ACSL6: variants seen among roughly 807,000 people sequenced by gnomAD.
ACSL6 encodes the protein long-chain-fatty-acid--CoA ligase 6.
In ACSL6, 47 loss-of-function variants were observed where a neutral mutation model predicts 98.2. The ratio of observed to expected loss-of-function variants is 0.48; its 90% CI spans 0.38 to 0.61. The LOEUF (loss-of-function observed/expected upper bound fraction) is 0.61, where lower values mean the gene tolerates loss of function less well. Among genes scored for constraint, ACSL6 ranks in the 20% least tolerant of loss-of-function variants. The probability of loss-of-function intolerance (pLI) is 0.00; values close to 1 mark genes in which losing one functional copy is unlikely to be tolerated. For missense variants in ACSL6, 761 were observed against 913.4 expected (o/e 0.83, Z 2.15); for synonymous variants, 362 against 336.9 (o/e 1.07, Z -0.82).
At chr5:131,986,370 T>C (rs543692836) in intron 8 of ACSL6, among the ~76,000 whole-genome samples, 32 of 152,304 alleles carry the variant, frequency 2.1e-4, no homozygotes, top group African/African-American at 7.2e-4. Context: ...CTGCCCTCAC[T>C]GTGGCTCAAC....
chr5:131,952,239 C>T lies in ACSL6; in HGVS notation c.*1995G>A. On this transcript the variant is annotated 3_prime_UTR_variant, in exon 21 of 21. Coordinates refer to ENST00000651883, the MANE Select transcript of ACSL6 (RefSeq NM_001009185.3). ...TTTATTCAGAAACGCCTTTAAAAATCAGTGTGTATAGAACTAGCTCATTTC... is the reference window on the plus strand; with the variant it reads ...TTTATTCAGAAACGCCTTTAAAAATTAGTGTGTATAGAACTAGCTCATTTC... 1 of 193,546 alleles carries T rather than the reference C, an allele frequency of 5.2e-6. No individual in the cohort carries two copies. Among genetic ancestry groups the T allele is most frequent in the Non-Finnish European group, 1.1e-5 (1 of 92,754 alleles). The allele number at this position is 193,546 out of a possible 1,614,324, so 12.0% of individuals were successfully genotyped here.
In ACSL6 at chr5:131,970,161, A is replaced by C. The variant is rs1033689178; in HGVS notation, c.1474T>G (p.Cys492Gly). ...CAGTCGCCAGGAGTGGTGAAGGTACATCCAGCTGTGCACTCAGTTTGGCCA... is the reference window on the plus strand; with the variant it reads ...CAGTCGCCAGGAGTGGTGAAGGTACCTCCAGCTGTGCACTCAGTTTGGCCA... ...GYGQTECTAG[C>G]TFTTPGDWTS... Residue 492 changes from cysteine to glycine, a missense_variant, in exon 15 of 21, where the codon TGT (cysteine) becomes GGT (glycine). Transcript: ENST00000651883. The C allele has an allele frequency of 6.2e-7, 1 of 1,614,140 alleles. No individual in the cohort carries two copies. Among genetic ancestry groups the C allele is most frequent in the Non-Finnish European group, 8.5e-7 (1 of 1,180,018 alleles).
At chr5:132,007,099 A>C (rs1343842557) in intron 1 of ACSL6, 1 of 152,222 alleles carries the variant, frequency 6.6e-6, no homozygotes, top group Non-Finnish European at 1.5e-5. Context: ...TTGGGGACAT[A>C]GACATGAGAC....
intron 10 of ACSL6, chr5:131,975,835 C>T: frequency 1.0e-6 from 1 of 985,484 alleles, no homozygotes; most frequent in Non-Finnish European, 1.2e-6. Flanking sequence ...CCTTCACTCT[C>T]CTGTGCTGGC....
Position 131,951,391 on chromosome 5 carries a change from A to C in ACSL6, c.*2843T>G, listed in dbSNP as rs1046229941. On this transcript the variant is annotated 3_prime_UTR_variant, in exon 21 of 21. Transcript: ENST00000651883. ...CATAGGGTTTCATTTCTCATTTCTT[A>C]CAAAATTAAGTGGCATTAAACAGAG... The C allele has an allele frequency of 1.5e-5, 3 of 201,234 alleles. No homozygotes were observed. The highest frequency in any genetic ancestry group is 6.9e-5 in the African/African-American group (3 of 43,534). The allele number at this position is 201,234 out of a possible 1,614,324, so 12.5% of individuals were successfully genotyped here. A position where few individuals can be genotyped will look rare whatever the true frequency, so the allele number is the denominator to read the frequency against.
chr5:131,990,270 C>A, intron 3 of ACSL6, 106 bp from the exon 4 acceptor site: 1 of 1,147,110 alleles, frequency 8.7e-7, no homozygotes. Flanking sequence ...TGTAGTGTGT[C>A]CATGGGCCAA....
chr5:131,974,418 A>G (rs575428345), intron 11 of ACSL6, among the ~76,000 whole-genome samples: 1 of 152,230 alleles, frequency 6.6e-6, no homozygotes, highest in Non-Finnish European at 1.5e-5. Flanking sequence ...GTTATGGAAC[A>G]TAAGTGTTTT....
At chr5:132,004,059 G>T (rs576977310) in intron 1 of ACSL6, among the ~76,000 whole-genome samples, 1 of 152,144 alleles carries the variant, frequency 6.6e-6, no homozygotes, top group Non-Finnish European at 1.5e-5. Context: ...TGGAGGGCAC[G>T]TGTGTCCTCT....
Position 131,990,829 on chromosome 5 carries a change from ACC to A in ACSL6, c.385+22_385+23del, listed in dbSNP as rs5871439. On this transcript the variant is annotated intron_variant, in intron 3 of 20. Coordinates refer to ENST00000651883, the MANE Select transcript of ACSL6 (RefSeq NM_001009185.3). ...CACCCCTGCCACACAGCCCCTCCAC[ACC>A]CCCCCCCACAACCCTTCTCACCTGA... is the stretch of plus-strand genomic sequence containing the variant. The A allele has an allele frequency of 9.6e-5, 149 of 1,551,090 alleles. 1 individual carries two copies. Among genetic ancestry groups the A allele is most frequent in the African/African-American group, 1.8e-4 (13 of 71,980 alleles).
At position 131,951,455 on chromosome 5, in the gene ACSL6, T is replaced by G; in HGVS notation, c.*2779A>C. On this transcript the variant is annotated 3_prime_UTR_variant, in exon 21 of 21. Transcript: ENST00000651883. ...TACATGCAAGATATTTAGGGTACACTATTTACTTTTCTCAGCACATCTGAA... is the reference window on the plus strand; with the variant it reads ...TACATGCAAGATATTTAGGGTACACGATTTACTTTTCTCAGCACATCTGAA... 1 of 204,842 alleles carries G rather than the reference T, an allele frequency of 4.9e-6. No homozygotes were observed. Among genetic ancestry groups the G allele is most frequent in the Non-Finnish European group, 1.0e-5 (1 of 100,078 alleles). 12.7% of individuals were successfully genotyped at this position (204,842 alleles called of 1,614,324 possible). A position where few individuals can be genotyped will look rare whatever the true frequency, so the allele number is the denominator to read the frequency against.
chr5:131,973,978 A>C (rs911216787), intron 11 of ACSL6: 6 of 152,420 alleles, frequency 3.9e-5, no homozygotes, highest in Non-Finnish European at 7.3e-5. Flanking sequence ...GCAACCCTAT[A>C]AGGGAAGTGG....
At chr5:131,996,220 C>A (rs1754785628) in intron 1 of ACSL6, among the ~76,000 whole-genome samples, 1 of 152,210 alleles carries the variant, frequency 6.6e-6, no homozygotes, top group African/African-American at 2.4e-5. Flanking sequence ...GAGGAACAAC[C>A]CACTCCTAGC....
intron 20 of ACSL6, among the ~76,000 whole-genome samples, chr5:131,957,710 G>A (rs1409421870): frequency 6.6e-6 from 1 of 152,198 alleles, no homozygotes; most frequent in Non-Finnish European, 1.5e-5. Context: ...TTTTGAGGAA[G>A]AGGGAAAAGG....
intron 17 of ACSL6, 40 bp from the exon 18 acceptor site, chr5:131,962,718 T>C (rs1001891317): frequency 6.2e-7 from 1 of 1,608,846 alleles, no homozygotes; most frequent in Non-Finnish European, 8.5e-7. Flanking sequence ...AACATGGCAC[T>C]CTCAAGCCTG....
Position 131,970,048 on chromosome 5 carries a change from T to G in ACSL6, c.1507+80A>C, listed in dbSNP as rs766362128. 67 of 1,290,644 alleles carry G rather than the reference T, an allele frequency of 5.2e-5. 1 individual carries two copies. In the Admixed American group the frequency reaches 9.0e-4, roughly 17 times the overall value. The allele number at this position is 1,290,644 out of a possible 1,614,324, so 79.9% of individuals were successfully genotyped here. On this transcript the variant is annotated intron_variant, in intron 15 of 20. Transcript: ENST00000651883. ...CCTAAGTACCCATGCAAATTTACTT[T>G]CCATGAGGGAGTTTTAGAGCTGGCT... is the stretch of plus-strand genomic sequence containing the variant.
intron 20 of ACSL6, among the ~76,000 whole-genome samples, chr5:131,958,326 C>A (rs1205533833): frequency 6.6e-6 from 1 of 152,206 alleles, no homozygotes; most frequent in Non-Finnish European, 1.5e-5. Context: ...CCTACGACCA[C>A]TCATTTGTGG....
At chr5:132,009,713 G>A (rs1443997195) in intron 1 of ACSL6, among the ~76,000 whole-genome samples, 2 of 152,152 alleles carry the variant, frequency 1.3e-5, no homozygotes, top group African/African-American at 2.4e-5. Flanking sequence ...CCCATTAGAG[G>A]AGGGAGCTGA....
intron 1 of ACSL6, among the ~76,000 whole-genome samples, chr5:132,001,169 C>T (rs1228320895): frequency 6.6e-6 from 1 of 152,204 alleles, no homozygotes; most frequent in Admixed American, 6.5e-5. Flanking sequence ...TCAAGGCAGC[C>T]TCTGGGGCAG....
chr5:132,006,180 T>C (rs2126963700), intron 1 of ACSL6: 1 of 152,236 alleles, frequency 6.6e-6, no homozygotes, highest in East Asian at 1.9e-4. Context: ...AGCTGGCAAA[T>C]AGGGTCAGGT....
Sources: allele counts gnomAD v4.1 joint callset (sites outside exome capture counted in the v4.1 genomes callset), GRCh38; gene constraint gnomAD v4.1.1; transcripts MANE v1.5; gene names NCBI Gene and HGNC (gene_info 2026-07-23, HGNC 2026-07-21).